PTPRM: variants seen among roughly 807,000 people sequenced by gnomAD.
PTPRM encodes the protein receptor-type tyrosine-protein phosphatase mu.
Under a neutral mutation model 186.7 loss-of-function variants are expected in PTPRM, and 47 were observed. The observed-to-expected ratio is 0.25, with a 90% CI of 0.20 to 0.32. PTPRM has a LOEUF of 0.32. Among genes scored for constraint, PTPRM ranks in the 10% least tolerant of loss-of-function variants. The pLI is 1.00. For missense variants in PTPRM, 1,494 were observed against 1,865.0 expected (o/e 0.80, Z 3.66); for synonymous variants, 668 against 674.9 (o/e 0.99, Z 0.16).
chr18:8,047,575 T>C (rs2087153331), intron 7 of PTPRM, among the ~76,000 whole-genome samples: 1 of 152,158 alleles, frequency 6.6e-6, no homozygotes, highest in Admixed American at 6.6e-5. Context: ...TGTGTGTACA[T>C]GTTTCCCATT....
chr18:8,295,075 G>A (rs1049545021), intron 19 of PTPRM, among the ~76,000 whole-genome samples: 2 of 152,138 alleles, frequency 1.3e-5, no homozygotes, highest in Non-Finnish European at 2.9e-5. Context: ...CCACTCTCAG[G>A]GAGTCCACAG....
rs763507012 is a variant in PTPRM, at chr18:7,567,769, G to T, written c.-50G>T. ...AAAGCTCCCGGCCCCCTCCGCCCTC[G>T]CGCGCCCACCCACCGCCGCCGGGGA... is the stretch of plus-strand genomic sequence containing the variant. On this transcript the variant is annotated 5_prime_UTR_variant, in exon 1 of 33. Transcript: ENST00000580170. This position sits in a 1 kb window ranked among gnomAD's most constrained non-coding sequence, Gnocchi z 4.3. 1 of 1,486,564 alleles carries T rather than the reference G, an allele frequency of 6.7e-7. No individual in the cohort carries two copies. The highest frequency in any genetic ancestry group is 2.5e-5 in the Admixed American group (1 of 40,102). The allele number at this position is 1,486,564 out of a possible 1,614,324, so 92.1% of individuals were successfully genotyped here.
At chr18:7,920,881 G>T (rs530875595) in intron 4 of PTPRM, among the ~76,000 whole-genome samples, 2 of 152,044 alleles carry the variant, frequency 1.3e-5, no homozygotes, top group South Asian at 4.2e-4. Context: ...CAGTATTCTT[G>T]GATGGCAATT....
In PTPRM at chr18:7,955,417, G is replaced by A; in HGVS notation, c.1132+3G>A. The A allele has an allele frequency of 6.2e-7, 1 of 1,605,920 alleles. No homozygotes were observed. The highest frequency in any genetic ancestry group is 8.5e-7 in the Non-Finnish European group (1 of 1,174,648). On this transcript the variant is annotated splice_donor_region_variant and intron_variant, in intron 7 of 32. Coordinates refer to ENST00000580170, the MANE Select transcript of PTPRM (RefSeq NM_001105244.2). ...CAGGACAAGAACAAAGTGTGCTGGT[G>A]AGTATAAGGAACCCTGCAATTAATT...
intron 27 of PTPRM, 46 bp downstream of exon 27, chr18:8,378,460 CAAG>C: frequency 5.0e-6 from 8 of 1,598,490 alleles, no homozygotes; most frequent in Non-Finnish European, 6.8e-6. Flanking sequence ...ACTTGCTCCT[CAAG>C]AAGGATTTCA....
At chr18:7,919,639 C>G (rs2146712292) in intron 4 of PTPRM, among the ~76,000 whole-genome samples, 1 of 152,130 alleles carries the variant, frequency 6.6e-6, no homozygotes, top group African/African-American at 2.4e-5. Context: ...AAGATATGTT[C>G]TGTTCTGGAT....
intron 14 of PTPRM, among the ~76,000 whole-genome samples, chr18:8,172,827 C>T (rs528240647): frequency 2.6e-5 from 4 of 152,248 alleles, no homozygotes; most frequent in Admixed American, 6.5e-5. Flanking sequence ...CCAGCAAACA[C>T]CATGGTTTGG....
chr18:7,739,738 C>A (rs2040849623), intron 1 of PTPRM, among the ~76,000 whole-genome samples: 1 of 152,184 alleles, frequency 6.6e-6, no homozygotes, highest in Non-Finnish European at 1.5e-5. Context: ...AGTCTCCTTG[C>A]CTTTGCTTCT....
chr18:8,028,628 G>T (rs572068160), intron 7 of PTPRM, among the ~76,000 whole-genome samples: 1 of 152,294 alleles, frequency 6.6e-6, no homozygotes, highest in East Asian at 1.9e-4. Context: ...CGACTTAGCA[G>T]TGGCCTTAAT....
intron 5 of PTPRM, 106 bp downstream of exon 5, chr18:7,926,789 TC>T: frequency 1.5e-6 from 1 of 661,694 alleles, no homozygotes; most frequent in South Asian, 3.7e-5. Flanking sequence ...TGTAAGAGTT[TC>T]CTTCTTTGTT....
At chr18:8,267,939 C>T (rs1377572351) in intron 19 of PTPRM, among the ~76,000 whole-genome samples, 1 of 152,158 alleles carries the variant, frequency 6.6e-6, no homozygotes, top group African/African-American at 2.4e-5. Context: ...GTATCCTTTG[C>T]ATCTTTACCC....
intron 2 of PTPRM, among the ~76,000 whole-genome samples, chr18:7,865,831 G>A (rs1330526055): frequency 1.3e-5 from 2 of 152,028 alleles, no homozygotes; most frequent in Non-Finnish European, 2.9e-5. Flanking sequence ...TTTTTGGTTG[G>A]TAGGCTATTA....
intron 5 of PTPRM, among the ~76,000 whole-genome samples, chr18:7,936,597 C>G (rs1164181537): frequency 1.3e-5 from 2 of 152,160 alleles, no homozygotes; most frequent in East Asian, 3.9e-4. Flanking sequence ...TGCAGGTGCC[C>G]CTCAGCATGA....
chr18:8,166,143 C>T (rs1029122198), intron 14 of PTPRM, among the ~76,000 whole-genome samples: 11 of 152,248 alleles, frequency 7.2e-5, no homozygotes, highest in Admixed American at 1.3e-4. Flanking sequence ...AGTGAATAAA[C>T]GCAGATCCTA....
At chr18:8,354,168 G>A (rs1020920899) in intron 23 of PTPRM, among the ~76,000 whole-genome samples, 4 of 150,786 alleles carry the variant, frequency 2.7e-5, no homozygotes, top group Non-Finnish European at 4.4e-5. Flanking sequence ...AGCCTAGATC[G>A]CACCATTGCA....
intron 1 of PTPRM, among the ~76,000 whole-genome samples, chr18:7,664,059 G>GTT (rs145400542): frequency 0.021 from 3,191 of 152,328 alleles, 117 homozygotes; most frequent in African/African-American, 0.073. Context: ...GATTGGGAAA[G>GTT]GGTAAGGGCT....
At chr18:8,116,644 C>T (rs1445839286) in intron 13 of PTPRM, among the ~76,000 whole-genome samples, 2 of 152,166 alleles carry the variant, frequency 1.3e-5, no homozygotes, top group Non-Finnish European at 2.9e-5. Flanking sequence ...TGTCATCATG[C>T]TCATTTACAT....
intron 2 of PTPRM, among the ~76,000 whole-genome samples, chr18:7,871,440 G>A (rs1313047492): frequency 6.6e-6 from 1 of 152,144 alleles, no homozygotes; most frequent in Non-Finnish European, 1.5e-5. Context: ...GTCTGACATA[G>A]CAATTACAAC....
At chr18:8,276,622 T>C (rs539300074) in intron 19 of PTPRM, among the ~76,000 whole-genome samples, 2 of 152,138 alleles carry the variant, frequency 1.3e-5, no homozygotes, top group African/African-American at 4.8e-5. Context: ...CCAGCAGACA[T>C]GAGGAAACTA....
Sources: gnomAD v4.1 joint callset for allele counts (sites outside exome capture counted in the v4.1 genomes callset) on GRCh38, gnomAD v4.1.1 for gene constraint, Gnocchi (gnomAD v3.1) non-coding constraint, MANE v1.5 for transcripts, NCBI Gene and HGNC (gene_info 2026-07-23, HGNC 2026-07-21) for gene names.